The following KIAA1217 variants were observed in gnomAD, a reference collection of about 807,000 sequenced individuals.
The protein encoded by KIAA1217 is KIAA1217.
Under a neutral mutation model 163.9 loss-of-function variants are expected in KIAA1217, and 88 were observed. The observed-to-expected ratio is 0.54, with a 90% CI of 0.45 to 0.64. The LOEUF (loss-of-function observed/expected upper bound fraction) is 0.64. KIAA1217 is among the 30% of genes least tolerant of loss of function. The pLI, the probability that KIAA1217 is intolerant of heterozygous loss-of-function variation, is 0.00. For missense variants in KIAA1217, 2,372 were observed against 2,475.0 expected (o/e 0.96, Z 0.88); for synonymous variants, 903 against 923.1 (o/e 0.98, Z 0.39).
At chr10:24,074,303 C>T (rs552069179) in intron 2 of KIAA1217, among the ~76,000 whole-genome samples, 17 of 152,160 alleles carry the variant, frequency 1.1e-4, no homozygotes, top group African/African-American at 3.9e-4. Flanking sequence ...GAGCTGAGAT[C>T]GTGTCACTGC....
intron 2 of KIAA1217, among the ~76,000 whole-genome samples, chr10:24,127,770 A>G (rs2063517909): frequency 6.6e-6 from 1 of 152,354 alleles, no homozygotes; most frequent in Middle Eastern, 3.4e-3. Context: ...ATTAAAAAGA[A>G]TGTAAGTTAT....
chr10:24,440,559 G>A (rs1208130038), intron 5 of KIAA1217, among the ~76,000 whole-genome samples: 2 of 152,184 alleles, frequency 1.3e-5, no homozygotes, highest in Non-Finnish European at 2.9e-5. Context: ...AGGACTGAGA[G>A]TATCGAATAT....
Position 23,755,289 on chromosome 10 carries a change from G to A in KIAA1217, c.-321+60055G>A, listed in dbSNP as rs556103242. Reference sequence around the variant, plus strand: ...CTAGGAACATGAATCTGTAGGGAGAGGAAAAACATTTCTAATATATACGAC... The same window carrying A: ...CTAGGAACATGAATCTGTAGGGAGAAGAAAAACATTTCTAATATATACGAC... On this transcript the variant is annotated intron_variant, in intron 1 of 18. Transcript: ENST00000376462. Among the ~76,000 whole-genome samples, 30 of 152,260 alleles carry A rather than the reference G, an allele frequency of 2.0e-4. No individual in the cohort carries two copies. In the South Asian group the frequency reaches 6.2e-3, roughly 32 times the overall value.
intron 1 of KIAA1217, among the ~76,000 whole-genome samples, chr10:23,971,411 T>C (rs1470062195): frequency 6.6e-6 from 1 of 152,182 alleles, no homozygotes; most frequent in Non-Finnish European, 1.5e-5. Flanking sequence ...AACAAATTAT[T>C]ACTTTAGAGA....
At chr10:24,118,901 A>C (rs2063168484) in intron 2 of KIAA1217, among the ~76,000 whole-genome samples, 1 of 152,152 alleles carries the variant, frequency 6.6e-6, no homozygotes, top group African/African-American at 2.4e-5. Context: ...ATTCAGGATT[A>C]CTTTTAAAAT....
At position 24,524,683 on chromosome 10, in the gene KIAA1217, C is replaced by A; in HGVS notation, c.2817C>A (p.Pro939=). 6.2e-7 allele frequency: 1 copy of A among 1,614,122 alleles called. No homozygotes were observed. Among genetic ancestry groups the A allele is most frequent in the South Asian group, 1.1e-5 (1 of 91,064 alleles). Residue 939 remains proline (P), a synonymous_variant, in exon 13 of 21, where the codon CCC becomes CCA. Coordinates refer to ENST00000376454, the MANE Select transcript of KIAA1217 (RefSeq NM_019590.5). ...MSQAPQSPQI[P]MNGSAMQSLF... is the part of the protein sequence containing the mutation. ...AGGCTCCGCAGTCCCCACAGATACC[C>A]ATGAATGGGTCTGCCATGCAGAGCT...
In KIAA1217 at chr10:24,143,046, C is replaced by G. The variant is rs116203926; in HGVS notation, c.-170-76580C>G. On this transcript the variant is annotated intron_variant, in intron 2 of 18. Coordinates refer to the KIAA1217 transcript ENST00000376462. Reference sequence around the variant, plus strand: ...AGTGAGCAATTTACTGGTTGTCTCACGTAGATTCTTTAAGGTTACAAGGAG... The same window carrying G: ...AGTGAGCAATTTACTGGTTGTCTCAGGTAGATTCTTTAAGGTTACAAGGAG... 5.6e-3 allele frequency among the ~76,000 whole-genome samples: 858 copies of G among 152,216 alleles called. 8 individuals carry two copies. The highest frequency in any genetic ancestry group is 0.017 in the African/African-American group (724 of 41,530).
At chr10:24,365,989 T>C (rs951525356) in intron 2 of KIAA1217, among the ~76,000 whole-genome samples, 1 of 152,188 alleles carries the variant, frequency 6.6e-6, no homozygotes, top group Admixed American at 6.5e-5. Context: ...TCCTTATGGA[T>C]ATGTGTATAT....
chr10:24,369,190 T>TGTGTGTGTGA (rs1174142314), intron 2 of KIAA1217, among the ~76,000 whole-genome samples: 1 of 145,870 alleles, frequency 6.9e-6, no homozygotes, highest in African/African-American at 2.6e-5. Context: ...TGTGTGTGTG[T>TGTGTGTGTGA]GTGTGTGTGT....
intron 3 of KIAA1217, among the ~76,000 whole-genome samples, chr10:24,407,843 G>A (rs530633848): frequency 3.9e-5 from 6 of 152,202 alleles, no homozygotes; most frequent in South Asian, 4.2e-4. Flanking sequence ...CGTGAAAAGC[G>A]TCCACTTGTA....
At chr10:24,395,215 C>A (rs2055556908) in intron 3 of KIAA1217, among the ~76,000 whole-genome samples, 1 of 152,130 alleles carries the variant, frequency 6.6e-6, no homozygotes, top group Admixed American at 6.6e-5. Context: ...CTCCCCCATT[C>A]TTTGCTGTTC....
Position 24,105,604 on chromosome 10 carries a change from A to C in KIAA1217, c.-171+98230A>C, listed in dbSNP as rs933085271. Among the ~76,000 whole-genome samples the C allele has an allele frequency of 3.3e-5, 5 of 152,332 alleles. No homozygotes were observed. In the South Asian group the frequency reaches 1.0e-3, roughly 32 times the overall value. ...TGGTCCACTGATCTCCATGGCCTGC[A>C]GGGGCTGCAGTTCTGCTGTCTCCCT... On this transcript the variant is annotated intron_variant, in intron 2 of 18. Coordinates refer to the KIAA1217 transcript ENST00000376462.
At chr10:24,289,019 G>A (rs1171996041) in intron 2 of KIAA1217, among the ~76,000 whole-genome samples, 1 of 152,162 alleles carries the variant, frequency 6.6e-6, no homozygotes, top group Non-Finnish European at 1.5e-5. Context: ...GTGTGCCTGG[G>A]CATGCCCATA....
In KIAA1217 at chr10:23,709,711, AC is replaced by A. The variant is rs138237608; in HGVS notation, c.-321+14480del. ...ATATGGCATTAATTATGCTCATCTA[AC>A]CCTTTTTACTATGCCTGTATGGTCC... On this transcript the variant is annotated intron_variant, in intron 1 of 18. Coordinates refer to the KIAA1217 transcript ENST00000376462. Among the ~76,000 whole-genome samples, 416 of 152,166 alleles carry A rather than the reference AC, an allele frequency of 2.7e-3. 12 individuals are homozygous for A. The East Asian group carries it at 0.027, about 10-fold the overall frequency.
intron 2 of KIAA1217, among the ~76,000 whole-genome samples, chr10:24,253,044 G>A (rs1483634416): frequency 1.3e-5 from 2 of 151,794 alleles, no homozygotes; most frequent in Non-Finnish European, 2.9e-5. Context: ...AGCCAGTCTT[G>A]CAAACAGCCG....
chr10:23,992,607 CTTTTTTT>C (rs368335847), intron 1 of KIAA1217, among the ~76,000 whole-genome samples: 10 of 127,934 alleles, frequency 7.8e-5, no homozygotes, highest in East Asian at 6.8e-4. Context: ...GCCATCATTT[CTTTTTTT>C]TTTTTTTTTT....
chr10:24,478,538 G>A (rs2064290512), intron 6 of KIAA1217, among the ~76,000 whole-genome samples: 1 of 152,152 alleles, frequency 6.6e-6, no homozygotes, highest in East Asian at 1.9e-4. Context: ...TTTCAGAACA[G>A]CCATTCTAGT....
chr10:24,506,026 G>A (rs541403038), intron 9 of KIAA1217, among the ~76,000 whole-genome samples: 31 of 152,112 alleles, frequency 2.0e-4, no homozygotes, highest in African/African-American at 6.7e-4. Context: ...AATAATAAAC[G>A]GAACTAGTAC....
intron 2 of KIAA1217, among the ~76,000 whole-genome samples, chr10:24,076,226 T>G (rs1181599115): frequency 6.6e-6 from 1 of 152,220 alleles, no homozygotes; most frequent in South Asian, 2.1e-4. Flanking sequence ...TGCTGGCTAT[T>G]CTAAAGATTG....
Sources: gnomAD v4.1 joint callset for allele counts (sites outside exome capture counted in the v4.1 genomes callset) on GRCh38, gnomAD v4.1.1 for gene constraint, MANE v1.5 for transcripts, NCBI Gene and HGNC (gene_info 2026-07-23, HGNC 2026-07-21) for gene names.